SEZ6: variants seen among roughly 807,000 people sequenced by gnomAD.
SEZ6 encodes the protein seizure related 6 homolog.
A neutral mutation model predicts 101.0 loss-of-function variants in SEZ6; 53 were observed. That is an observed-to-expected ratio of 0.52 (90% CI 0.42 to 0.66). SEZ6 has a LOEUF of 0.66. Among genes scored for constraint, SEZ6 ranks in the 30% least tolerant of loss-of-function variants. The probability of loss-of-function intolerance (pLI) is 0.00; values close to 1 mark genes in which losing one functional copy is unlikely to be tolerated. For missense variants in SEZ6, 1,102 were observed against 1,289.4 expected, an observed-to-expected ratio of 0.85 and a Z score of 2.23; for synonymous variants, 488 against 512.2, an observed-to-expected ratio of 0.95 and a Z score of 0.64.
chr17:29,001,817 C>T (rs1385559369), intron 1 of SEZ6, among the ~76,000 whole-genome samples: 1 of 152,198 alleles, frequency 6.6e-6, no homozygotes, highest in Non-Finnish European at 1.5e-5. Context: ...CGCCAGAAAC[C>T]TCTTCTGTAT....
intron 1 of SEZ6, among the ~76,000 whole-genome samples, chr17:28,983,777 G>A (rs1293863995): frequency 6.6e-6 from 1 of 152,044 alleles, no homozygotes; most frequent in African/African-American, 2.4e-5. Flanking sequence ...ACACAGCCGG[G>A]GTGAGATCAC....
chr17:28,964,661 T>C (rs1004498784), intron 4 of SEZ6, among the ~76,000 whole-genome samples: 1 of 152,236 alleles, frequency 6.6e-6, no homozygotes, highest in East Asian at 1.9e-4. Context: ...GGAATAAATA[T>C]GAATTGCAGC....
intron 1 of SEZ6, among the ~76,000 whole-genome samples, chr17:28,984,525 C>T (rs1263344282): frequency 6.6e-6 from 1 of 152,214 alleles, no homozygotes; most frequent in Non-Finnish European, 1.5e-5. Context: ...CAGCTCTTCC[C>T]GCTGGCTGCC....
rs1286049565 is a variant in SEZ6, at chr17:28,957,551, G to A, written c.2303-12C>T. ...GTGGCAGGAAGTCACTATGGGTAGG[G>A]GGTGATGGGGAGAAGTAGCCCAAGG... On this transcript the variant is annotated splice_polypyrimidine_tract_variant and intron_variant, in intron 11 of 16. Coordinates refer to ENST00000317338, the MANE Select transcript of SEZ6 (RefSeq NM_178860.5). The A allele has an allele frequency of 1.2e-5, 20 of 1,609,000 alleles. No individual in the cohort carries two copies. The highest frequency in any genetic ancestry group is 6.8e-5 in the Admixed American group (4 of 58,924).
chr17:29,006,039 G>T, upstream of SEZ6: 1 of 473,132 alleles, frequency 2.1e-6, no homozygotes, highest in Non-Finnish European at 3.2e-6. Context: ...ACCACGGCCA[G>T]CGCCTGGCGA....
chr17:28,958,236 C>T, intron 10 of SEZ6, 95 bp from the exon 11 acceptor site: 2 of 1,459,924 alleles, frequency 1.4e-6, no homozygotes, highest in Non-Finnish European at 9.2e-7. Context: ...GCTAGTTTGT[C>T]CTGGACCTAG....
rs752803065 is a variant in SEZ6, at chr17:28,964,165, G to A, written c.1055-18C>T. On this transcript the variant is annotated intron_variant, in intron 4 of 16. Transcript: ENST00000317338. ...GAGATAGGCTGCAAACAGAGAACGGGTGACACTGTGTATGTGTGCAGGGTG... is the reference window on the plus strand; with the variant it reads ...GAGATAGGCTGCAAACAGAGAACGGATGACACTGTGTATGTGTGCAGGGTG... 4.5e-6 allele frequency: 7 copies of A among 1,559,644 alleles called. No homozygotes were observed. The Admixed American group carries it at 1.1e-4, about 25-fold the overall frequency.
intron 4 of SEZ6, among the ~76,000 whole-genome samples, chr17:28,967,546 G>A (rs1443267071): frequency 6.6e-6 from 1 of 152,192 alleles, no homozygotes; most frequent in Non-Finnish European, 1.5e-5. Flanking sequence ...CCTGGGGAGA[G>A]GTCCCAGTCC....
At chr17:28,977,145 G>A (rs1297632551) in intron 3 of SEZ6, among the ~76,000 whole-genome samples, 1 of 152,234 alleles carries the variant, frequency 6.6e-6, no homozygotes, top group Admixed American at 6.5e-5. Context: ...CTGGGCCTCA[G>A]TTTTTCCAAC....
Position 28,981,694 on chromosome 17 carries a change from T to C in SEZ6, c.401A>G (p.Gln134Arg). The change falls in exon 2 of 17, where the codon CAG becomes CGG. Residue 134 changes from glutamine to arginine, a missense_variant. Physicochemically the swap from Gln to Arg is conservative, Grantham distance 43. This residue lies in a region of SEZ6 where 406 missense variants were observed against 418.6 expected (regional missense o/e 0.97). Transcript: ENST00000317338. ...CGGACTCCAGGGTCCCTCCTTGGAC[T>C]GGGGCTGAGTGGGTACCGCAGCCAT... is the stretch of plus-strand genomic sequence containing the variant. ...PAMAAVPTQP[Q>R]SKEGPWSPES... The C allele has an allele frequency of 6.3e-7, 1 of 1,584,148 alleles. No homozygotes were observed. Among genetic ancestry groups the C allele is most frequent in the Non-Finnish European group, 8.6e-7 (1 of 1,160,888 alleles).
chr17:28,960,355 GA>G, intron 7 of SEZ6, 149 bp downstream of exon 7: 1 of 1,046,128 alleles, frequency 9.6e-7, no homozygotes, highest in Non-Finnish European at 1.4e-6. Flanking sequence ...GAGGGGCAGG[GA>G]AAGGGGGCCT....
chr17:28,966,037 G>A (rs1209489170), intron 4 of SEZ6, among the ~76,000 whole-genome samples: 5 of 151,944 alleles, frequency 3.3e-5, no homozygotes, highest in Non-Finnish European at 7.4e-5. Context: ...CAGCTACTCG[G>A]GAGGCTGAGG....
rs750547918 is a variant in SEZ6 at position 28,957,407 on chromosome 17, G to T, written c.2435C>A (p.Thr812Asn). The T allele has an allele frequency of 6.2e-7, 1 of 1,613,824 alleles. No homozygotes were observed. The highest frequency in any genetic ancestry group is 8.5e-7 in the Non-Finnish European group (1 of 1,179,744). Residue 812 changes from threonine to asparagine, a missense_variant, in exon 12 of 17, where the codon ACC becomes AAC. Coordinates refer to ENST00000317338, the MANE Select transcript of SEZ6 (RefSeq NM_178860.5). ...GFVLMGSSILTCHDRQAGSPK... is the reference protein window; with the variant it reads ...GFVLMGSSILNCHDRQAGSPK... ...GCTGCCAGCCTGGCGATCATGGCAG[G>T]TGAGGATGGAGCTGCCCATCAGCAC... is the stretch of plus-strand genomic sequence containing the variant.
intron 3 of SEZ6, among the ~76,000 whole-genome samples, chr17:28,978,197 C>T (rs1242751061): frequency 6.6e-6 from 1 of 152,216 alleles, no homozygotes; most frequent in Non-Finnish European, 1.5e-5. Flanking sequence ...GGACACACTT[C>T]TCAGCGCCCT....
Position 28,955,762 on chromosome 17 carries a change from G to A in SEZ6, c.*200C>T. ...ATGGGCCCAATGAAGGGCCCCAAGTGGGCAATGACACCAAGAAAATAGGCC... is the reference window on the plus strand; with the variant it reads ...ATGGGCCCAATGAAGGGCCCCAAGTAGGCAATGACACCAAGAAAATAGGCC... On this transcript the variant is annotated 3_prime_UTR_variant, in exon 17 of 17. Transcript: ENST00000317338. 1 of 717,066 alleles carries A rather than the reference G, an allele frequency of 1.4e-6. No homozygotes were observed. Among genetic ancestry groups the A allele is most frequent in the Admixed American group, 2.0e-5 (1 of 49,752 alleles). The allele number at this position is 717,066 out of a possible 1,614,324, so 44.4% of individuals were successfully genotyped here.
intron 5 of SEZ6, among the ~76,000 whole-genome samples, chr17:28,961,971 G>T (rs1169104718): frequency 6.6e-6 from 1 of 152,134 alleles, no homozygotes; most frequent in Non-Finnish European, 1.5e-5. Context: ...GCCTCAGCTT[G>T]GTCTCAGAAT....
At chr17:28,991,262 T>G (rs1451157715) in intron 1 of SEZ6, among the ~76,000 whole-genome samples, 1 of 152,046 alleles carries the variant, frequency 6.6e-6, no homozygotes, top group Non-Finnish European at 1.5e-5. Flanking sequence ...TGGAGTGCAG[T>G]GGCACGATCT....
At chr17:28,958,537 G>A (rs910929183) in intron 10 of SEZ6, among the ~76,000 whole-genome samples, 6 of 152,108 alleles carry the variant, frequency 3.9e-5, no homozygotes, top group African/African-American at 1.4e-4. Flanking sequence ...CACCTGTAAT[G>A]CCAGCACTTT....
rs2041296308 is a variant in SEZ6 at position 28,981,243 on chromosome 17, C to T, written c.724+128G>A. On this transcript the variant is annotated intron_variant, in intron 2 of 16. Transcript: ENST00000317338. ...GGTCTATCTGGGTCCAATCTACATG[C>T]CTCCTGCAGGCTGGCCCTTGGTGCC... 7 of 1,427,316 alleles carry T rather than the reference C, an allele frequency of 4.9e-6. No homozygotes were observed. In the African/African-American group the frequency reaches 5.7e-5, roughly 12 times the overall value. The allele number at this position is 1,427,316 out of a possible 1,614,324, so 88.4% of individuals were successfully genotyped here.
Sources: allele counts gnomAD v4.1 joint callset (sites outside exome capture counted in the v4.1 genomes callset), GRCh38; gene constraint gnomAD v4.1.1; regional missense constraint gnomAD v4.1.1; transcripts MANE v1.5; gene names NCBI Gene and HGNC (gene_info 2026-07-23, HGNC 2026-07-21).